The following PLEKHA1 variants were observed in gnomAD, a reference collection of about 807,000 sequenced individuals.
The protein encoded by PLEKHA1 is pleckstrin homology domain containing A1, also known as pleckstrin homology domain-containing family A member 1.
In PLEKHA1, 34 loss-of-function variants were observed where a neutral mutation model predicts 52.0. The ratio of observed to expected loss-of-function variants is 0.65; its 90% CI spans 0.50 to 0.87. PLEKHA1 has a LOEUF of 0.87. Ranked by LOEUF, PLEKHA1 falls within the 40% of genes least tolerant of loss-of-function variation. PLEKHA1 has a pLI of 0.00. For synonymous variants in PLEKHA1, 163 were observed against 170.7 expected (o/e 0.95, Z 0.35); for missense variants, 497 against 504.2 (o/e 0.99, Z 0.14).
chr10:122,395,648 A>G (rs1432876083), intron 2 of PLEKHA1, among the ~76,000 whole-genome samples: 2 of 152,118 alleles, frequency 1.3e-5, no homozygotes, highest in African/African-American at 4.8e-5. Context: ...GTATAATAAC[A>G]TGGTTATACT....
chr10:122,389,199 A>G (rs1328524144), intron 1 of PLEKHA1, among the ~76,000 whole-genome samples: 1 of 152,252 alleles, frequency 6.6e-6, no homozygotes, highest in Non-Finnish European at 1.5e-5. Context: ...ACAAATATAT[A>G]TTTCAATATC....
intron 3 of PLEKHA1, among the ~76,000 whole-genome samples, chr10:122,398,406 A>AT (rs2096880042): frequency 6.6e-6 from 1 of 151,582 alleles, no homozygotes; most frequent in Non-Finnish European, 1.5e-5. Flanking sequence ...TGAAAGGATG[A>AT]TTTTCCCCCT....
At position 122,431,447 on chromosome 10, in the gene PLEKHA1, T is replaced by G. The variant is rs2097416470; in HGVS notation, c.*1509T>G. On this transcript the variant is annotated 3_prime_UTR_variant, in exon 12 of 12. Transcript: ENST00000368990. The stretch of plus-strand genomic sequence containing the variant: ...TAAGTACCGTTTTTGAGGTTCAGTC[T>G]TAAACATTTGCTTTAAGAAAACAGT... 6.6e-6 allele frequency: 1 copy of G among 152,662 alleles called. No homozygotes were observed. Among genetic ancestry groups the G allele is most frequent in the Non-Finnish European group, 1.5e-5 (1 of 68,052 alleles). 9.5% of individuals were successfully genotyped at this position (152,662 alleles called of 1,614,324 possible).
rs376867343 is a variant in PLEKHA1 at position 122,429,886 on chromosome 10, A to C, written c.1163A>C (p.Asp388Ala). ...PQSKNGPQEK[D>A]CDLVDLDDAS... ...AGTAAAAATGGCCCTCAGGAAAAAG[A>C]TTGTGACCTAGTAGACTTGGACGAT... Residue 388 changes from aspartate (D) to alanine (A), a missense_variant, in exon 12 of 12, where the codon GAT becomes GCT. Asp to Ala is a moderately radical substitution (Grantham distance 126). Transcript: ENST00000368990. The C allele has an allele frequency of 6.2e-7, 1 of 1,614,070 alleles. No homozygotes were observed. Among genetic ancestry groups the C allele is most frequent in the Non-Finnish European group, 8.5e-7 (1 of 1,180,044 alleles).
chr10:122,419,176 A>G (rs559686871), intron 8 of PLEKHA1: 3 of 152,258 alleles, frequency 2.0e-5, no homozygotes, highest in Admixed American at 1.3e-4. Flanking sequence ...GTGGTACCCT[A>G]TGCATACTTG....
At chr10:122,391,085 T>C (rs139958052) in intron 1 of PLEKHA1, among the ~76,000 whole-genome samples, 21 of 152,236 alleles carry the variant, frequency 1.4e-4, no homozygotes, top group African/African-American at 4.6e-4. Flanking sequence ...ACCATTTGTT[T>C]ATCTTCTTTG....
chr10:122,428,852 A>AT (rs2097379061), intron 11 of PLEKHA1, among the ~76,000 whole-genome samples: 1 of 152,224 alleles, frequency 6.6e-6, no homozygotes, highest in South Asian at 2.1e-4. Flanking sequence ...ATATACTAGT[A>AT]TATAGCAATG....
intron 7 of PLEKHA1, among the ~76,000 whole-genome samples, chr10:122,416,684 G>A (rs1487995069): frequency 6.6e-6 from 1 of 152,114 alleles, no homozygotes; most frequent in Non-Finnish European, 1.5e-5. Context: ...TTCTAAGGTT[G>A]CAACATACCT....
At position 122,393,952 on chromosome 10, in the gene PLEKHA1, G is replaced by A. The variant is rs2096810604; in HGVS notation, c.141+611G>A. 6.6e-6 allele frequency among the ~76,000 whole-genome samples: 1 copy of A among 151,492 alleles called. No homozygotes were observed. On this transcript the variant is annotated intron_variant, in intron 2 of 11. Transcript: ENST00000368990. The surrounding 1 kb of genome is among the most constrained non-coding windows in gnomAD (Gnocchi z 4.5). ...AACTGAAATGCAGTTTGATTTTATT[G>A]TTGCCTTGCAAAACACAGGGGTAAA...
intron 10 of PLEKHA1, chr10:122,425,265 G>A (rs2097322433): frequency 4.6e-6 from 1 of 216,432 alleles, no homozygotes; most frequent in South Asian, 1.8e-4. Context: ...TTAGAATTTT[G>A]ATTTTTCTAT....
chr10:122,425,072 C>G, intron 10 of PLEKHA1, 113 bp downstream of exon 10: 1 of 866,344 alleles, frequency 1.2e-6, no homozygotes, highest in South Asian at 1.9e-5. Flanking sequence ...AATATGACAA[C>G]TGTAATTCAC....
At chr10:122,388,042 T>TA (rs1420596221) in intron 1 of PLEKHA1, 1 of 152,196 alleles carries the variant, frequency 6.6e-6, no homozygotes, top group East Asian at 1.9e-4. Context: ...AGCATGAGAT[T>TA]ACCCATTTTA....
In PLEKHA1 at chr10:122,399,792, G is replaced by A. The variant is rs1029983757; in HGVS notation, c.199-551G>A. On this transcript the variant is annotated intron_variant, in intron 3 of 11. Coordinates refer to ENST00000368990, the MANE Select transcript of PLEKHA1 (RefSeq NM_001001974.4). The stretch of plus-strand genomic sequence containing the variant: ...AGTAGAGACGGGGTTTCACCGTGTT[G>A]GCCAGGATGGTCTTGATCTCCTGAC... Among the ~76,000 whole-genome samples the A allele has an allele frequency of 1.6e-4, 24 of 151,878 alleles. No individual in the cohort carries two copies. In the East Asian group the frequency reaches 2.9e-3, roughly 18 times the overall value.
At chr10:122,426,831 G>T in intron 10 of PLEKHA1, 111 bp from the exon 11 acceptor site, 1 of 983,556 alleles carries the variant, frequency 1.0e-6, no homozygotes. Context: ...AGTTGCCTTA[G>T]AGTGATTTTG....
the PLEKHA1 span, chr10:122,441,781 A>C: frequency 6.6e-6 from 1 of 152,250 alleles, no homozygotes; most frequent in Non-Finnish European, 1.5e-5. Flanking sequence ...TGGTTACCAC[A>C]TATAAACACC....
chr10:122,418,094 A>G, intron 8 of PLEKHA1, 126 bp downstream of exon 8: 1 of 620,348 alleles, frequency 1.6e-6, no homozygotes, highest in Non-Finnish European at 2.6e-6. Context: ...AGGTAAATAT[A>G]GTTTATTTGG....
intron 2 of PLEKHA1, among the ~76,000 whole-genome samples, chr10:122,397,476 GA>G (rs527379933): frequency 6.6e-6 from 1 of 152,066 alleles, no homozygotes; most frequent in Non-Finnish European, 1.5e-5. Flanking sequence ...TAAATGGGGG[GA>G]AATGCAGTCC....
intron 1 of PLEKHA1, among the ~76,000 whole-genome samples, chr10:122,375,798 C>T (rs921177827): frequency 6.6e-6 from 1 of 152,156 alleles, no homozygotes; most frequent in African/African-American, 2.4e-5. Context: ...TCTGCGTTTT[C>T]CTCGTCTGTT....
chr10:122,398,536 T>C (rs900684420), intron 3 of PLEKHA1, among the ~76,000 whole-genome samples: 1 of 152,090 alleles, frequency 6.6e-6, no homozygotes, highest in African/African-American at 2.4e-5. Flanking sequence ...TTTTTTCTTA[T>C]TTTCTTCTAT....
Sources: gnomAD v4.1 joint callset for allele counts (sites outside exome capture counted in the v4.1 genomes callset) on GRCh38, gnomAD v4.1.1 for gene constraint, Gnocchi (gnomAD v3.1) non-coding constraint, MANE v1.5 for transcripts, NCBI Gene and HGNC (gene_info 2026-07-23, HGNC 2026-07-21) for gene names.